Variants in FRMD4A observed in about 807,000 individuals in gnomAD.
FRMD4A encodes the protein FERM domain-containing protein 4A.
In FRMD4A, 29 loss-of-function variants were observed where a neutral mutation model predicts 129.1. The observed-to-expected ratio is 0.22, with a 90% CI of 0.17 to 0.31. The LOEUF (loss-of-function observed/expected upper bound fraction) is 0.31. FRMD4A is among the 10% of genes least tolerant of loss of function. FRMD4A has a pLI of 1.00. For synonymous variants in FRMD4A, 634 were observed against 571.6 expected (o/e 1.11, Z -1.56); for missense variants, 1,272 against 1,375.8 (o/e 0.92, Z 1.19).
chr10:14,152,287 T>G (rs1251431219), intron 2 of FRMD4A, among the ~76,000 whole-genome samples: 2 of 151,722 alleles, frequency 1.3e-5, no homozygotes, highest in East Asian at 3.9e-4. Context: ...GCCACCACAC[T>G]TGGCTAACTT....
At chr10:13,970,691 T>C (rs1016592417) in intron 2 of FRMD4A, among the ~76,000 whole-genome samples, 1 of 152,132 alleles carries the variant, frequency 6.6e-6, no homozygotes, top group Non-Finnish European at 1.5e-5. Context: ...TTTCACTTGC[T>C]ATGCTGCCTG....
chr10:13,673,985 C>T (rs2083747172), intron 16 of FRMD4A, among the ~76,000 whole-genome samples: 1 of 152,010 alleles, frequency 6.6e-6, no homozygotes, highest in Non-Finnish European at 1.5e-5. Flanking sequence ...TCAGGCTAGT[C>T]TCCAACCCCT....
Position 14,319,367 on chromosome 10 carries a change from T to TCTCTCTCTCACA in FRMD4A, c.45+10690_45+10691insTGTGAGAGAGAG, listed in dbSNP as rs112041665. Among the ~76,000 whole-genome samples the TCTCTCTCTCACA allele has an allele frequency of 7.1e-3, 1,032 of 145,140 alleles. 15 individuals are homozygous for TCTCTCTCTCACA. Among genetic ancestry groups the TCTCTCTCTCACA allele is most frequent in the East Asian group, 0.049 (248 of 5,050 alleles). ...TCTCTCTCCTCTCTCTCTCTCTCTC[T>TCTCTCTCTCACA]CACACACACACACACACACATGATA... On this transcript the variant is annotated intron_variant, in intron 2 of 24. Coordinates refer to ENST00000357447, the MANE Select transcript of FRMD4A (RefSeq NM_018027.5).
Position 14,228,228 on chromosome 10 carries a change from T to C in FRMD4A, c.45+101830A>G, listed in dbSNP as rs573816928. The stretch of plus-strand genomic sequence containing the variant: ...AATGTTGATAGTTGGAAGACTTCTG[T>C]CATTATTCTTGTTGCAAAACTCACA... On this transcript the variant is annotated intron_variant, in intron 2 of 24. Coordinates refer to ENST00000357447, the MANE Select transcript of FRMD4A (RefSeq NM_018027.5). 2.5e-4 allele frequency among the ~76,000 whole-genome samples: 38 copies of C among 152,312 alleles called. No individual in the cohort carries two copies. The East Asian group carries it at 6.2e-3, about 25-fold the overall frequency.
intron 2 of FRMD4A, among the ~76,000 whole-genome samples, chr10:13,944,216 C>G (rs756731374): frequency 6.6e-6 from 1 of 152,156 alleles, no homozygotes; most frequent in African/African-American, 2.4e-5. Flanking sequence ...CAGCCACTCC[C>G]CATTGCTCAC....
At chr10:13,745,957 C>G (rs1392878794) in intron 9 of FRMD4A, among the ~76,000 whole-genome samples, 1 of 152,140 alleles carries the variant, frequency 6.6e-6, no homozygotes, top group Non-Finnish European at 1.5e-5. Context: ...GATTGCAAGT[C>G]TCGACATTTG....
chr10:13,872,821 A>C (rs75668456), intron 2 of FRMD4A, among the ~76,000 whole-genome samples: 5,192 of 152,188 alleles, frequency 0.034, 146 homozygotes, highest in East Asian at 0.084. Context: ...GGCTTTTTTC[A>C]AAGGGAAAGG....
chr10:13,854,638 G>T (rs1429721752), intron 3 of FRMD4A, among the ~76,000 whole-genome samples: 2 of 150,202 alleles, frequency 1.3e-5, no homozygotes, highest in African/African-American at 2.5e-5. Context: ...CACCATGTTG[G>T]CCAGGCTGGT....
intron 2 of FRMD4A, among the ~76,000 whole-genome samples, chr10:14,060,933 T>A (rs939530583): frequency 4.6e-5 from 7 of 152,058 alleles, no homozygotes. Context: ...ATAGACTGAC[T>A]CACTAGTGGA....
chr10:13,942,019 A>C (rs1165406652), intron 2 of FRMD4A, among the ~76,000 whole-genome samples: 3 of 152,066 alleles, frequency 2.0e-5, no homozygotes, highest in Admixed American at 2.0e-4. Context: ...CAGAGCGGTC[A>C]CTCCAGCTAC....
intron 15 of FRMD4A, among the ~76,000 whole-genome samples, chr10:13,683,712 G>GT (rs5783340): frequency 0.46 from 68,062 of 147,634 alleles, 16,736 homozygotes; most frequent in Non-Finnish European, 0.58. Context: ...GTCACATCCA[G>GT]TTTTTTTTTT....
rs371301815 is a variant in FRMD4A, at chr10:14,239,424, A to G, written c.45+90634T>C. Reference sequence around the variant, plus strand: ...GGGCGGATCAGGAGGTCAGGAGATCAAGACCATCCTGGCTAACATGGTGAA... The same window carrying G: ...GGGCGGATCAGGAGGTCAGGAGATCGAGACCATCCTGGCTAACATGGTGAA... On this transcript the variant is annotated intron_variant, in intron 2 of 24. Transcript: ENST00000357447. Among the ~76,000 whole-genome samples the G allele has an allele frequency of 1.6e-3, 243 of 152,226 alleles. 5 individuals are homozygous for G. The East Asian group carries it at 0.04, about 25-fold the overall frequency.
intron 2 of FRMD4A, chr10:14,074,304 A>C (rs1835460278): frequency 6.6e-6 from 1 of 152,196 alleles, no homozygotes; most frequent in African/African-American, 2.4e-5. Flanking sequence ...CCCAGGTTCC[A>C]TGCTACAGGC....
At chr10:14,193,480 A>G (rs1322471725) in intron 2 of FRMD4A, among the ~76,000 whole-genome samples, 1 of 133,576 alleles carries the variant, frequency 7.5e-6, no homozygotes, top group Non-Finnish European at 1.6e-5. Context: ...CCACCCACAC[A>G]CACACACACA....
At chr10:13,892,777 ACAT>A (rs1266264366) in intron 2 of FRMD4A, among the ~76,000 whole-genome samples, 2 of 152,142 alleles carry the variant, frequency 1.3e-5, no homozygotes, top group Non-Finnish European at 2.9e-5. Flanking sequence ...AGATCTAGAA[ACAT>A]CATTTTCCGG....
At chr10:13,856,952 G>A (rs769864139) in intron 3 of FRMD4A, among the ~76,000 whole-genome samples, 1 of 151,972 alleles carries the variant, frequency 6.6e-6, no homozygotes, top group African/African-American at 2.4e-5. Flanking sequence ...TAAACTCTTC[G>A]CACTGAGTCT....
Position 13,972,841 on chromosome 10 carries a change from A to C in FRMD4A, c.46-113929T>G, listed in dbSNP as rs144779236. ...AGACAAAGAGCATGTTTAATCTTTA[A>C]TGTCATTTTGATTGCACAGTCCTGA... On this transcript the variant is annotated intron_variant, in intron 2 of 24. Transcript: ENST00000357447. 1.3e-4 allele frequency among the ~76,000 whole-genome samples: 20 copies of C among 152,342 alleles called. 1 individual carries two copies. The East Asian group carries it at 3.9e-3, about 29-fold the overall frequency.
chr10:13,972,875 G>C (rs1012926464), intron 2 of FRMD4A, among the ~76,000 whole-genome samples: 9 of 152,142 alleles, frequency 5.9e-5, no homozygotes, highest in African/African-American at 1.9e-4. Context: ...GAAAAATCAT[G>C]GTAAGTCATA....
At chr10:13,963,225 G>A (rs562388650) in intron 2 of FRMD4A, among the ~76,000 whole-genome samples, 1 of 142,486 alleles carries the variant, frequency 7.0e-6, no homozygotes, top group East Asian at 2.0e-4. Flanking sequence ...ACTTGACAGA[G>A]AAATTTAATG....
Sources: allele counts gnomAD v4.1 joint callset (sites outside exome capture counted in the v4.1 genomes callset), GRCh38; gene constraint gnomAD v4.1.1; transcripts MANE v1.5; gene names NCBI Gene and HGNC (gene_info 2026-07-23, HGNC 2026-07-21).